Variants in UQCC2 observed in about 807,000 individuals in gnomAD.
UQCC2 encodes the protein ubiquinol-cytochrome c reductase complex assembly factor 2, also known as breast cancer-associated protein SGA-81M.
A neutral mutation model predicts 19.9 loss-of-function variants in UQCC2; 21 were observed. The ratio of observed to expected loss-of-function variants is 1.05; its 90% CI spans 0.75 to 1.52. The LOEUF (loss-of-function observed/expected upper bound fraction) is 1.52, where lower values mean the gene tolerates loss of function less well. Among genes scored for constraint, UQCC2 ranks in the 40% most tolerant of loss-of-function variants. The pLI is 0.00. For synonymous variants in UQCC2, 57 were observed against 60.9 expected, an observed-to-expected ratio of 0.94 and a Z score of 0.30; for missense variants, 135 against 157.5, an observed-to-expected ratio of 0.86 and a Z score of 0.76.
chr6:33,706,026 A>G (rs781287553), intron 1 of UQCC2, among the ~76,000 whole-genome samples: 1 of 152,170 alleles, frequency 6.6e-6, no homozygotes, highest in Non-Finnish European at 1.5e-5. Flanking sequence ...TCGTCAGTAA[A>G]TTTCTCTTTA....
In UQCC2 at chr6:33,697,747, G is replaced by A. The variant is rs762734580; in HGVS notation, c.287C>T (p.Thr96Ile). The A allele has an allele frequency of 6.2e-7, 1 of 1,612,922 alleles. No homozygotes were observed. The highest frequency in any genetic ancestry group is 2.2e-5 in the East Asian group (1 of 44,870). The change falls in exon 4 of 4, where the codon ACC becomes ATC. Residue 96 changes from threonine (T) to isoleucine (I), a missense_variant. Physicochemically the swap from Thr to Ile is moderately conservative, Grantham distance 89. Coordinates refer to ENST00000607484, the MANE Select transcript of UQCC2 (RefSeq NM_032340.4). The stretch of plus-strand genomic sequence containing the variant: ...ATCTATTTCCTTAAGCTCTTCCAAG[G>A]TGTCTGCAAAAGGGGAAGACAAAAA... ...EEYKLILSTD[T>I]LEELKEIDKG...
At chr6:33,702,729 C>T (rs1765655449) in intron 1 of UQCC2, among the ~76,000 whole-genome samples, 1 of 152,188 alleles carries the variant, frequency 6.6e-6, no homozygotes, top group Non-Finnish European at 1.5e-5. Context: ...CTCCCCAGAA[C>T]AAAACTTTCT....
At chr6:33,704,048 C>CCTA (rs1294596475) in intron 1 of UQCC2, among the ~76,000 whole-genome samples, 1 of 152,206 alleles carries the variant, frequency 6.6e-6, no homozygotes, top group African/African-American at 2.4e-5. Flanking sequence ...AATAATAGCC[C>CCTA]CTACGTCCCC....
Position 33,700,466 on chromosome 6 carries a change from C to G in UQCC2, c.261G>C (p.Glu87Asp). 1 of 1,614,182 alleles carries G rather than the reference C, an allele frequency of 6.2e-7. No individual in the cohort carries two copies. The highest frequency in any genetic ancestry group is 8.5e-7 in the Non-Finnish European group (1 of 1,180,038). Residue 87 changes from glutamate to aspartate, a missense_variant, in exon 3 of 4, where the codon GAG becomes GAC. Coordinates refer to ENST00000607484, the MANE Select transcript of UQCC2 (RefSeq NM_032340.4). ...DTSFSGLSLE[E>D]YKLILSTDTL... Reference sequence around the variant, plus strand: ...TACCTGTGGACAGGATCAGCTTGTACTCTTCCAACGACAGGCCACTGAAGC... The same window carrying G: ...TACCTGTGGACAGGATCAGCTTGTAGTCTTCCAACGACAGGCCACTGAAGC...
intron 3 of UQCC2, among the ~76,000 whole-genome samples, chr6:33,699,609 T>C (rs1765614208): frequency 6.6e-6 from 1 of 151,836 alleles, no homozygotes; most frequent in African/African-American, 2.4e-5. Flanking sequence ...TCCCAGAGAG[T>C]ACTGGAATAA....
At chr6:33,705,404 G>A (rs1465626671) in intron 1 of UQCC2, among the ~76,000 whole-genome samples, 1 of 152,170 alleles carries the variant, frequency 6.6e-6, no homozygotes, top group African/African-American at 2.4e-5. Context: ...GGACTCAGCT[G>A]TAACCTGAGA....
At chr6:33,706,905 G>A (rs1582183178) in intron 1 of UQCC2, among the ~76,000 whole-genome samples, 1 of 152,218 alleles carries the variant, frequency 6.6e-6, no homozygotes, top group Non-Finnish European at 1.5e-5. Context: ...CACCCTTGCT[G>A]AGCCTGGGGC....
chr6:33,701,306 G>A (rs748956757), intron 2 of UQCC2, 40 bp downstream of exon 2: 26 of 1,570,988 alleles, frequency 1.7e-5, no homozygotes, highest in Admixed American at 9.3e-5. Flanking sequence ...TAGTTGTCCC[G>A]TCAGAAAGCT....
In UQCC2 at chr6:33,697,651, G is replaced by A; in HGVS notation, c.*2C>T. 4.3e-6 allele frequency: 7 copies of A among 1,611,346 alleles called. No individual in the cohort carries two copies. The highest frequency in any genetic ancestry group is 5.9e-6 in the Non-Finnish European group (7 of 1,178,714). ...GGTATGTGCACGAGGTAAGGCCTGA[G>A]CTCAGGCCTTATGATCCTCCTCAGG... On this transcript the variant is annotated 3_prime_UTR_variant, in exon 4 of 4. Transcript: ENST00000607484.
chr6:33,708,319 T>C (rs1293936670), intron 1 of UQCC2, among the ~76,000 whole-genome samples: 1 of 152,226 alleles, frequency 6.6e-6, no homozygotes, highest in Non-Finnish European at 1.5e-5. Context: ...CAGGAGACGA[T>C]GCACACTAGG....
chr6:33,703,007 T>C (rs1765658066), intron 1 of UQCC2, among the ~76,000 whole-genome samples: 1 of 152,218 alleles, frequency 6.6e-6, no homozygotes, highest in African/African-American at 2.4e-5. Context: ...GGAAGGATTA[T>C]GGCCTGAGGA....
In UQCC2 at chr6:33,697,620, C is replaced by T; in HGVS notation, c.*33G>A. Reference sequence around the variant, plus strand: ...GACGATGGCAATGTACAAGACTCCACACCTAGGTATGTGCACGAGGTAAGG... The same window carrying T: ...GACGATGGCAATGTACAAGACTCCATACCTAGGTATGTGCACGAGGTAAGG... On this transcript the variant is annotated 3_prime_UTR_variant, in exon 4 of 4. Coordinates refer to ENST00000607484, the MANE Select transcript of UQCC2 (RefSeq NM_032340.4). The T allele has an allele frequency of 2.6e-6, 4 of 1,530,966 alleles. No homozygotes were observed. The highest frequency in any genetic ancestry group is 3.6e-6 in the Non-Finnish European group (4 of 1,119,374). 94.8% of individuals were successfully genotyped at this position (1,530,966 alleles called of 1,614,324 possible).
Position 33,696,921 on chromosome 6 carries a change from A to G in UQCC2, c.*732T>C, listed in dbSNP as rs540188163. On this transcript the variant is annotated 3_prime_UTR_variant, in exon 4 of 4. Coordinates refer to ENST00000607484, the MANE Select transcript of UQCC2 (RefSeq NM_032340.4). The stretch of plus-strand genomic sequence containing the variant: ...ACGGTTCCAGAGAGAAGGATGCTCA[A>G]TATCAGTAAGAGCCAAGGTTCCATG... 3 of 152,438 alleles carry G rather than the reference A, an allele frequency of 2.0e-5. No individual in the cohort carries two copies. Among genetic ancestry groups the G allele is most frequent in the South Asian group, 2.1e-4 (1 of 4,824 alleles). The allele number at this position is 152,438 out of a possible 1,614,324, so 9.4% of individuals were successfully genotyped here.
intron 2 of UQCC2, 141 bp from the exon 3 acceptor site, chr6:33,700,654 T>C: frequency 2.5e-6 from 2 of 803,894 alleles, no homozygotes; most frequent in Non-Finnish European, 4.2e-6. Flanking sequence ...CACCTCGAGG[T>C]CAAGACTTGG....
chr6:33,708,195 T>A (rs1321150855), intron 1 of UQCC2, among the ~76,000 whole-genome samples: 1 of 152,228 alleles, frequency 6.6e-6, no homozygotes, highest in Non-Finnish European at 1.5e-5. Context: ...AAACTATCTA[T>A]GGCCCAAAAA....
intron 2 of UQCC2, 28 bp downstream of exon 2, chr6:33,701,318 G>A: frequency 1.3e-6 from 2 of 1,590,398 alleles, no homozygotes. Flanking sequence ...CAGAAAGCTG[G>A]GTATATAAAA....
intron 1 of UQCC2, among the ~76,000 whole-genome samples, chr6:33,708,405 T>G (rs1765724874): frequency 1.7e-5 from 2 of 119,448 alleles, no homozygotes; most frequent in African/African-American, 5.0e-5. Context: ...TGTCTTGTTT[T>G]TCTGATGTTT....
At chr6:33,705,124 C>T (rs1157412964) in intron 1 of UQCC2, among the ~76,000 whole-genome samples, 2 of 152,024 alleles carry the variant, frequency 1.3e-5, no homozygotes, top group African/African-American at 4.8e-5. Flanking sequence ...CTCCGCCTCC[C>T]GGGTTCATGC....
At chr6:33,700,310 C>T (rs1765624155) in intron 3 of UQCC2, 134 bp downstream of exon 3, 1 of 930,814 alleles carries the variant, frequency 1.1e-6, no homozygotes, top group African/African-American at 1.6e-5. Flanking sequence ...CGCCCTGTAG[C>T]TTCAGAATTT....
Sources: allele counts gnomAD v4.1 joint callset (sites outside exome capture counted in the v4.1 genomes callset), GRCh38; gene constraint gnomAD v4.1.1; transcripts MANE v1.5; gene names NCBI Gene and HGNC (gene_info 2026-07-23, HGNC 2026-07-21).